The following TLN2 variants were observed in gnomAD, a reference collection of about 807,000 sequenced individuals.
The protein encoded by TLN2 is talin-2.
TLN2 carries 118 observed loss-of-function variants against 294.7 expected under a neutral mutation model. The observed-to-expected ratio is 0.40, with a 90% confidence interval of 0.34 to 0.47. The LOEUF (loss-of-function observed/expected upper bound fraction) is 0.47, where lower values mean the gene tolerates loss of function less well. Ranked by LOEUF, TLN2 falls within the 20% of genes least tolerant of loss-of-function variation. TLN2 has a pLI of 0.84. For missense variants in TLN2, 3,083 were observed against 3,282.2 expected (o/e 0.94, Z 1.48); for synonymous variants, 1,431 against 1,304.5 (o/e 1.10, Z -2.09).
At chr15:62,600,993 A>T (rs189250231) in intron 2 of TLN2, among the ~76,000 whole-genome samples, 1 of 152,204 alleles carries the variant, frequency 6.6e-6, no homozygotes, top group African/African-American at 2.4e-5. Context: ...TCAGGATCCA[A>T]ATGAGACTTA....
intron 12 of TLN2, chr15:62,687,977 C>G (rs1168404681): frequency 2.0e-5 from 3 of 152,084 alleles, no homozygotes; most frequent in African/African-American, 7.2e-5. Context: ...TTTAGAAATA[C>G]TAGAAGCAAC....
chr15:62,559,680 C>A (rs560596854), intron 1 of TLN2, among the ~76,000 whole-genome samples: 1 of 152,242 alleles, frequency 6.6e-6, no homozygotes, highest in East Asian at 1.9e-4. Flanking sequence ...CAATGGAAAC[C>A]CATTCATACC....
chr15:62,585,309 GATAAT>G (rs1395350956), intron 1 of TLN2, among the ~76,000 whole-genome samples: 1 of 152,204 alleles, frequency 6.6e-6, no homozygotes, highest in Non-Finnish European at 1.5e-5. Context: ...CTGTTGAGAT[GATAAT>G]ATTAGGTGTA....
At chr15:62,752,582 A>G (rs2061996784) in intron 35 of TLN2, among the ~76,000 whole-genome samples, 155 bp downstream of exon 35, 1 of 152,160 alleles carries the variant, frequency 6.6e-6, no homozygotes, top group South Asian at 2.1e-4. Context: ...TACACAAAAC[A>G]TGAGCCAGTT....
At chr15:62,722,277 A>C in intron 25 of TLN2, 76 bp from the exon 26 acceptor site, 1 of 1,474,042 alleles carries the variant, frequency 6.8e-7, no homozygotes, top group Non-Finnish European at 9.1e-7. Flanking sequence ...TGCTGTGGAG[A>C]CCTCGCTGCT....
chr15:62,479,490 T>G (rs2037964769), intron 1 of TLN2, among the ~76,000 whole-genome samples: 1 of 152,122 alleles, frequency 6.6e-6, no homozygotes, highest in South Asian at 2.1e-4. Flanking sequence ...TTTTTATTTT[T>G]TTTTGAGACA....
chr15:62,766,607 G>C (rs142601455), intron 41 of TLN2, among the ~76,000 whole-genome samples, 185 bp downstream of exon 41: 1 of 152,304 alleles, frequency 6.6e-6, no homozygotes, highest in Admixed American at 6.5e-5. Flanking sequence ...GAAATTATCA[G>C]TTCAGGATCT....
At chr15:62,574,906 G>T (rs1337899601) in intron 1 of TLN2, among the ~76,000 whole-genome samples, 1 of 152,042 alleles carries the variant, frequency 6.6e-6, no homozygotes, top group African/African-American at 2.4e-5. Context: ...CACTTTCTCT[G>T]TTTATCTTGC....
At chr15:62,532,344 A>G (rs903260794) in intron 1 of TLN2, among the ~76,000 whole-genome samples, 1 of 151,970 alleles carries the variant, frequency 6.6e-6, no homozygotes, top group Admixed American at 6.6e-5. Context: ...CAATCTGCCC[A>G]CCTTAGCCTC....
intron 26 of TLN2, among the ~76,000 whole-genome samples, chr15:62,722,966 G>C (rs530894032): frequency 2.0e-5 from 3 of 152,258 alleles, no homozygotes; most frequent in South Asian, 2.1e-4. Flanking sequence ...CACTTATTGC[G>C]TGGGAGCATT....
Position 62,840,724 on chromosome 15 carries a change from G to T in TLN2, c.*114G>T. 1.4e-6 allele frequency: 2 copies of T among 1,425,410 alleles called. No homozygotes were observed. The highest frequency in any genetic ancestry group is 2.9e-5 in the South Asian group (2 of 69,330). 88.3% of individuals were successfully genotyped at this position (1,425,410 alleles called of 1,614,324 possible). ...AACCGCCCACCTCCCTCCCGGGTGAGCCTGGAGCCCTGCGTGCTTGTTCTC... is the reference window on the plus strand; with the variant it reads ...AACCGCCCACCTCCCTCCCGGGTGATCCTGGAGCCCTGCGTGCTTGTTCTC... On this transcript the variant is annotated 3_prime_UTR_variant, in exon 59 of 59. Coordinates refer to ENST00000636159, the MANE Select transcript of TLN2 (RefSeq NM_015059.3).
intron 1 of TLN2, among the ~76,000 whole-genome samples, chr15:62,572,492 C>T (rs1271700187): frequency 2.0e-5 from 3 of 152,332 alleles, no homozygotes; most frequent in African/African-American, 2.4e-5. Flanking sequence ...GCTATCCTCT[C>T]GCCTTGTCCT....
chr15:62,710,251 C>T (rs1044181498), intron 21 of TLN2, among the ~76,000 whole-genome samples: 8 of 152,084 alleles, frequency 5.3e-5, no homozygotes, highest in Non-Finnish European at 8.8e-5. Context: ...AATGGAGTTG[C>T]TGGGCCAGTA....
chr15:62,716,611 T>C, intron 23 of TLN2, 152 bp downstream of exon 23: 1 of 1,081,010 alleles, frequency 9.3e-7, no homozygotes, highest in Non-Finnish European at 1.2e-6. Flanking sequence ...ATAAAAGCAT[T>C]GACTCAATTG....
At chr15:62,465,194 A>G (rs2037054930) in intron 1 of TLN2, among the ~76,000 whole-genome samples, 1 of 141,042 alleles carries the variant, frequency 7.1e-6, no homozygotes, top group South Asian at 2.2e-4. Flanking sequence ...CAGCAGCAGT[A>G]TGTGCTGTTT....
At chr15:62,474,224 G>A (rs560760000) in intron 1 of TLN2, among the ~76,000 whole-genome samples, 15 of 152,284 alleles carry the variant, frequency 9.9e-5, no homozygotes, top group African/African-American at 3.6e-4. Context: ...AATTTCAGAG[G>A]GCTCATGAAT....
Position 62,792,701 on chromosome 15 carries a change from C to A in TLN2, c.5797C>A (p.Gln1933Lys). Residue 1933 changes from glutamine (Q) to lysine (K), a missense_variant, in exon 46 of 59, where the codon CAG becomes AAG. Gln to Lys is a moderately conservative substitution (Grantham distance 53). Transcript: ENST00000636159. ...GGGCCACGGCTGTATCTTCCTGGTG[C>A]AGAAGGCAGGGGCCCTCCAGGTCTG... ...DLGHGCIFLV[Q>K]KAGALQVCPT... is the part of the protein sequence containing the mutation. 6.2e-7 allele frequency: 1 copy of A among 1,614,022 alleles called. No homozygotes were observed. The highest frequency in any genetic ancestry group is 8.5e-7 in the Non-Finnish European group (1 of 1,180,048).
At chr15:62,802,130 A>T (rs2065967929) in intron 50 of TLN2, among the ~76,000 whole-genome samples, 1 of 147,768 alleles carries the variant, frequency 6.8e-6, no homozygotes, top group African/African-American at 2.5e-5. Context: ...TACCCTTCTT[A>T]GCCTCTGGCA....
chr15:62,483,880 A>G (rs1445929062), intron 1 of TLN2, among the ~76,000 whole-genome samples: 1 of 152,178 alleles, frequency 6.6e-6, no homozygotes, highest in Non-Finnish European at 1.5e-5. Context: ...CACCACACCC[A>G]TGGATTACAT....
Sources: allele counts gnomAD v4.1 joint callset (sites outside exome capture counted in the v4.1 genomes callset), GRCh38; gene constraint gnomAD v4.1.1; transcripts MANE v1.5; gene names NCBI Gene and HGNC (gene_info 2026-07-23, HGNC 2026-07-21).